The following PPARGC1A variants were observed in gnomAD, a reference collection of about 807,000 sequenced individuals.
PPARGC1A encodes PPARG coactivator 1 alpha.
In PPARGC1A, 25 loss-of-function variants were observed where a neutral mutation model predicts 88.7. The ratio of observed to expected loss-of-function variants is 0.28; its 90% CI spans 0.21 to 0.39. The LOEUF (loss-of-function observed/expected upper bound fraction) is 0.39. Ranked by LOEUF, PPARGC1A falls within the 10% of genes least tolerant of loss-of-function variation. The probability of loss-of-function intolerance (pLI) is 1.00; values close to 1 mark genes in which losing one functional copy is unlikely to be tolerated. For missense variants in PPARGC1A, 880 were observed against 968.7 expected, an observed-to-expected ratio of 0.91 and a Z score of 1.22; for synonymous variants, 363 against 355.6, an observed-to-expected ratio of 1.02 and a Z score of -0.24.
chr4:23,811,425 G>A (rs1280897645), intron 10 of PPARGC1A, among the ~76,000 whole-genome samples: 1 of 152,236 alleles, frequency 6.6e-6, no homozygotes, highest in African/African-American at 2.4e-5. Context: ...CACACAGGGA[G>A]CAGCTGCACT....
At chr4:24,053,118 G>C in the PPARGC1A span, among the ~76,000 whole-genome samples, 1 of 150,888 alleles carries the variant, frequency 6.6e-6, no homozygotes, top group Non-Finnish European at 1.5e-5. Flanking sequence ...TGATCCGCCC[G>C]CCTCGGCCTC....
At chr4:24,401,507 G>T in the PPARGC1A span, among the ~76,000 whole-genome samples, 1 of 146,956 alleles carries the variant, frequency 6.8e-6, no homozygotes. Context: ...GCTCCAGAGA[G>T]AAAGAACCGC....
chr4:24,032,088 G>A, the PPARGC1A span, among the ~76,000 whole-genome samples: 1 of 152,170 alleles, frequency 6.6e-6, no homozygotes, highest in Non-Finnish European at 1.5e-5. Flanking sequence ...TGATTTAGCA[G>A]CGATATAGAT....
chr4:24,385,969 T>G, the PPARGC1A span, among the ~76,000 whole-genome samples: 3 of 152,164 alleles, frequency 2.0e-5, no homozygotes, highest in Admixed American at 1.3e-4. Context: ...ATACCCCTGA[T>G]GAACATCAGT....
intron 2 of PPARGC1A, among the ~76,000 whole-genome samples, chr4:23,836,957 T>A (rs1278475773): frequency 6.6e-6 from 1 of 152,150 alleles, no homozygotes; most frequent in African/African-American, 2.4e-5. Context: ...GCATGCGGTA[T>A]CCCAAAGACT....
At chr4:23,983,084 G>GA in the PPARGC1A span, among the ~76,000 whole-genome samples, 1 of 151,926 alleles carries the variant, frequency 6.6e-6, no homozygotes, top group Non-Finnish European at 1.5e-5. Flanking sequence ...CTTCTTTACA[G>GA]AAAAAAAGTT....
intron 2 of PPARGC1A, among the ~76,000 whole-genome samples, chr4:23,862,103 G>A (rs2148715888): frequency 6.6e-6 from 1 of 152,314 alleles, no homozygotes; most frequent in East Asian, 1.9e-4. Flanking sequence ...ATGCTTTTAA[G>A]TACAAGCCTC....
chr4:23,876,849 G>A (rs1279567845), intron 2 of PPARGC1A, among the ~76,000 whole-genome samples: 1 of 152,060 alleles, frequency 6.6e-6, no homozygotes, highest in African/African-American at 2.4e-5. Flanking sequence ...AGTTGTTTAA[G>A]TCAGGCCAAG....
chr4:24,225,258 G>A, the PPARGC1A span, among the ~76,000 whole-genome samples: 13 of 152,220 alleles, frequency 8.5e-5, no homozygotes, highest in East Asian at 3.9e-4. Context: ...GGACCACAGC[G>A]ATAATTGAAA....
chr4:23,955,023 A>G, the PPARGC1A span, among the ~76,000 whole-genome samples: 3 of 152,106 alleles, frequency 2.0e-5, no homozygotes, highest in African/African-American at 4.8e-5. Context: ...TAAAAAGCCA[A>G]TAACATTCAA....
At chr4:24,196,453 C>T in the PPARGC1A span, among the ~76,000 whole-genome samples, 1 of 152,300 alleles carries the variant, frequency 6.6e-6, no homozygotes, top group South Asian at 2.1e-4. Flanking sequence ...GGTAATTATA[C>T]CGTAATGCAG....
the PPARGC1A span, among the ~76,000 whole-genome samples, chr4:23,913,246 A>T: frequency 2.5e-5 from 1 of 39,888 alleles, no homozygotes; most frequent in Admixed American, 3.8e-4. Flanking sequence ...TATATTTTAT[A>T]TATATATATA....
intron 2 of PPARGC1A, among the ~76,000 whole-genome samples, chr4:23,836,884 GA>G (rs1726118870): frequency 6.6e-6 from 1 of 152,190 alleles, no homozygotes; most frequent in Non-Finnish European, 1.5e-5. Context: ...CTAAATTAAG[GA>G]GGAGAGGAGG....
chr4:24,223,199 T>C, the PPARGC1A span, among the ~76,000 whole-genome samples: 1 of 151,684 alleles, frequency 6.6e-6, no homozygotes, highest in Admixed American at 6.6e-5. Flanking sequence ...AATTATGAAA[T>C]ATACATATTA....
chr4:24,180,476 T>C, the PPARGC1A span, among the ~76,000 whole-genome samples: 1 of 152,220 alleles, frequency 6.6e-6, no homozygotes, highest in Non-Finnish European at 1.5e-5. Flanking sequence ...GTTTTAGCCA[T>C]CTCTGATTAA....
chr4:24,247,661 G>T, the PPARGC1A span, among the ~76,000 whole-genome samples: 1 of 152,230 alleles, frequency 6.6e-6, no homozygotes. Flanking sequence ...ACTCGAGGTA[G>T]TTGCCAGGAT....
the PPARGC1A span, among the ~76,000 whole-genome samples, chr4:24,174,332 A>G: frequency 7.9e-5 from 12 of 152,332 alleles, no homozygotes; most frequent in Admixed American, 1.3e-4. Context: ...TTAAACGCCC[A>G]GAGATTTAAG....
chr4:24,435,005 C>T, the PPARGC1A span, among the ~76,000 whole-genome samples: 1 of 152,184 alleles, frequency 6.6e-6, no homozygotes, highest in Non-Finnish European at 1.5e-5. Flanking sequence ...ACTTTTATTT[C>T]CAAAGAAATA....
the PPARGC1A span, among the ~76,000 whole-genome samples, chr4:24,019,600 T>C: frequency 6.6e-6 from 1 of 152,316 alleles, no homozygotes; most frequent in East Asian, 1.9e-4. Flanking sequence ...ATCTAAGGGT[T>C]GAGTTTTCCC....
Sources: gnomAD v4.1 joint callset for allele counts (sites outside exome capture counted in the v4.1 genomes callset) on GRCh38, gnomAD v4.1.1 for gene constraint, MANE v1.5 for transcripts, NCBI Gene and HGNC (gene_info 2026-07-23, HGNC 2026-07-21) for gene names.